MALRD1: variants seen among roughly 807,000 people sequenced by gnomAD.
The protein encoded by MALRD1 is MAM and LDL-receptor class A domain-containing protein 1.
MALRD1 carries 247 observed loss-of-function variants against 242.1 expected under a neutral mutation model. The ratio of observed to expected loss-of-function variants is 1.02; its 90% CI spans 0.92 to 1.13. The LOEUF is 1.13. Among genes scored for constraint, MALRD1 ranks in the 50% most tolerant of loss-of-function variants. The probability of loss-of-function intolerance (pLI) is 0.00; values close to 1 mark genes in which losing one functional copy is unlikely to be tolerated. For missense variants in MALRD1, 2,989 were observed against 2,533.1 expected (o/e 1.18, Z -3.86); for synonymous variants, 995 against 866.6 (o/e 1.15, Z -2.60).
At chr10:19,563,347 T>A (rs1422683002) in intron 32 of MALRD1, among the ~76,000 whole-genome samples, 1 of 152,192 alleles carries the variant, frequency 6.6e-6, no homozygotes, top group Admixed American at 6.5e-5. Context: ...TTTAGATTTT[T>A]TTCTTTCTTC....
chr10:19,149,439 C>G (rs2131450679), intron 11 of MALRD1, among the ~76,000 whole-genome samples: 2 of 152,204 alleles, frequency 1.3e-5, no homozygotes, highest in Non-Finnish European at 2.9e-5. Flanking sequence ...TATTCCTACT[C>G]TGTTAAATTT....
chr10:19,470,675 G>A (rs1170884831), intron 29 of MALRD1, among the ~76,000 whole-genome samples: 1 of 151,910 alleles, frequency 6.6e-6, no homozygotes, highest in Non-Finnish European at 1.5e-5. Context: ...TTTCTCTAAT[G>A]ATTAGTGATA....
At chr10:19,258,147 A>G (rs1839600557) in intron 19 of MALRD1, among the ~76,000 whole-genome samples, 1 of 152,132 alleles carries the variant, frequency 6.6e-6, no homozygotes, top group South Asian at 2.1e-4. Context: ...AGGCACTTTA[A>G]ATATTTCTAA....
chr10:19,335,360 G>A (rs1588928568), intron 24 of MALRD1, among the ~76,000 whole-genome samples: 1 of 152,002 alleles, frequency 6.6e-6, no homozygotes, highest in African/African-American at 2.4e-5. Flanking sequence ...GCCATTACAT[G>A]AGAATTATTT....
intron 10 of MALRD1, 69 bp from the exon 11 acceptor site, chr10:19,146,129 A>G (rs1833718903): frequency 8.7e-7 from 1 of 1,150,602 alleles, no homozygotes; most frequent in South Asian, 4.4e-5. Context: ...ATGATTAGCT[A>G]GCGTAGAGCA....
rs1020307934 is a variant in MALRD1, at chr10:19,379,738, A to C, written c.4442-7790A>C. Among the ~76,000 whole-genome samples the C allele has an allele frequency of 5.9e-5, 9 of 152,070 alleles. 1 individual carries two copies. The highest frequency in any genetic ancestry group is 5.9e-4 in the Admixed American group (9 of 15,248). On this transcript the variant is annotated intron_variant, in intron 26 of 39. Coordinates refer to ENST00000454679, the MANE Select transcript of MALRD1 (RefSeq NM_001142308.3). ...GTGACTATTTCACACGTCCTTGAAA[A>C]CAATGTATATTCTGTTCTTGTTTGG...
intron 14 of MALRD1, among the ~76,000 whole-genome samples, chr10:19,195,601 C>G (rs1836200070): frequency 6.6e-6 from 1 of 152,190 alleles, no homozygotes; most frequent in African/African-American, 2.4e-5. Context: ...CCTCCAAACA[C>G]AGTCTTAGAG....
chr10:19,490,846 C>T (rs984328858), intron 29 of MALRD1, among the ~76,000 whole-genome samples: 1 of 151,956 alleles, frequency 6.6e-6, no homozygotes, highest in African/African-American at 2.4e-5. Context: ...TTTTCATCTA[C>T]AAAAAATTTG....
chr10:19,716,989 A>G (rs1259223655), intron 38 of MALRD1: 1 of 152,248 alleles, frequency 6.6e-6, no homozygotes, highest in Non-Finnish European at 1.5e-5. Context: ...ATGGTGGACA[A>G]TACTGATTTT....
chr10:19,462,024 A>G (rs529996269), intron 29 of MALRD1, among the ~76,000 whole-genome samples: 3 of 152,240 alleles, frequency 2.0e-5, no homozygotes, highest in Admixed American at 6.5e-5. Flanking sequence ...GTTATTGTAG[A>G]GAGACGGCAG....
intron 18 of MALRD1, among the ~76,000 whole-genome samples, chr10:19,232,901 A>G (rs993467008): frequency 6.6e-6 from 1 of 152,138 alleles, no homozygotes; most frequent in Non-Finnish European, 1.5e-5. Context: ...CACACTTCAC[A>G]CTTTTACTTA....
At chr10:19,336,636 C>A (rs117093209) in intron 24 of MALRD1, among the ~76,000 whole-genome samples, 3,667 of 152,244 alleles carry the variant, frequency 0.024, 84 homozygotes, top group African/African-American at 0.05. Context: ...TTTAATAGCC[C>A]ATGCCCCCCT....
At chr10:19,576,121 G>A (rs570099528) in intron 33 of MALRD1, among the ~76,000 whole-genome samples, 2 of 152,370 alleles carry the variant, frequency 1.3e-5, no homozygotes, top group African/African-American at 4.8e-5. Flanking sequence ...CAGGAAGCAA[G>A]TGAGGTTGAC....
chr10:19,710,126 C>A (rs570949503), intron 38 of MALRD1, among the ~76,000 whole-genome samples: 4 of 152,076 alleles, frequency 2.6e-5, no homozygotes, highest in Admixed American at 2.6e-4. Flanking sequence ...CCAAACAAAA[C>A]AAGCAGAGGG....
chr10:19,472,196 A>C (rs1016380644), intron 29 of MALRD1, among the ~76,000 whole-genome samples: 1 of 152,032 alleles, frequency 6.6e-6, no homozygotes, highest in Non-Finnish European at 1.5e-5. Flanking sequence ...AATGTGGTGT[A>C]CCACATTTCT....
intron 38 of MALRD1, among the ~76,000 whole-genome samples, chr10:19,703,245 G>GT (rs1402273816): frequency 6.6e-6 from 1 of 152,114 alleles, no homozygotes; most frequent in African/African-American, 2.4e-5. Flanking sequence ...TCTCATCTCT[G>GT]TTTCTTTTTG....
At chr10:19,099,209 A>T (rs770818042) in intron 4 of MALRD1, among the ~76,000 whole-genome samples, 4 of 152,160 alleles carry the variant, frequency 2.6e-5, no homozygotes, top group Non-Finnish European at 4.4e-5. Context: ...CTATGTTTAC[A>T]GCTCGATTTT....
chr10:19,212,269 C>T (rs1035435033), intron 18 of MALRD1, among the ~76,000 whole-genome samples: 3 of 152,130 alleles, frequency 2.0e-5, no homozygotes, highest in Middle Eastern at 3.2e-3. Flanking sequence ...TAACAACCAC[C>T]GAACTGCTTT....
chr10:19,282,999 T>C lies in MALRD1; in HGVS notation c.3257-20T>C, dbSNP rs796235654. The C allele has an allele frequency of 1.5e-5, 23 of 1,490,790 alleles. No homozygotes were observed. The African/African-American group carries it at 2.3e-4, about 15-fold the overall frequency. 92.3% of individuals were successfully genotyped at this position (1,490,790 alleles called of 1,614,324 possible). On this transcript the variant is annotated intron_variant, in intron 20 of 39. Coordinates refer to ENST00000454679, the MANE Select transcript of MALRD1 (RefSeq NM_001142308.3). Reference sequence around the variant, plus strand: ...CTGCCACTTACTAGCTCACCTTTTCTTTGTTCTACCCCATCCAAGTTATGG... The same window carrying C: ...CTGCCACTTACTAGCTCACCTTTTCCTTGTTCTACCCCATCCAAGTTATGG...
Sources: gnomAD v4.1 joint callset for allele counts (sites outside exome capture counted in the v4.1 genomes callset) on GRCh38, gnomAD v4.1.1 for gene constraint, MANE v1.5 for transcripts, NCBI Gene and HGNC (gene_info 2026-07-23, HGNC 2026-07-21) for gene names.